The following PKHD1 variants were observed in gnomAD, a reference collection of about 807,000 sequenced individuals.
PKHD1 encodes the protein PKHD1 ciliary IPT domain containing fibrocystin/polyductin, also known as fibrocystin.
A neutral mutation model predicts 412.0 loss-of-function variants in PKHD1; 291 were observed. The observed-to-expected ratio is 0.71, with a 90% CI of 0.64 to 0.78. PKHD1 has a LOEUF of 0.78. Ranked by LOEUF, PKHD1 falls within the 30% of genes least tolerant of loss-of-function variation. The pLI is 0.00. For synonymous variants in PKHD1, 1,777 were observed against 1,821.5 expected (o/e 0.98, Z 0.62); for missense variants, 4,825 against 4,950.7 (o/e 0.97, Z 0.76).
In PKHD1 at chr6:51,833,793, G is replaced by T. The variant is rs941664799; in HGVS notation, c.8173+2611C>A. 3.3e-5 allele frequency among the ~76,000 whole-genome samples: 5 copies of T among 152,168 alleles called. 1 individual carries two copies. The highest frequency in any genetic ancestry group is 2.0e-4 in the Admixed American group (3 of 15,276). ...TGGAGGTAAGGAAGGAAAGATGTTG[G>T]GTCAGACCATCCAAAAAGCTCACTG... On this transcript the variant is annotated intron_variant, in intron 51 of 66. Coordinates refer to ENST00000371117, the MANE Select transcript of PKHD1 (RefSeq NM_138694.4).
rs74662217 is a variant in PKHD1 at position 51,860,357 on chromosome 6, G to A, written c.7734-4287C>T. ...CAAATGCCAGAATTGACCATGGAGGGGTCTTCTGAAAAGCACCAAAAGAAC... is the reference window on the plus strand; with the variant it reads ...CAAATGCCAGAATTGACCATGGAGGAGTCTTCTGAAAAGCACCAAAAGAAC... On this transcript the variant is annotated intron_variant, in intron 48 of 66. Transcript: ENST00000371117. Among the ~76,000 whole-genome samples the A allele has an allele frequency of 3.4e-3, 516 of 152,154 alleles. 1 individual carries two copies. The highest frequency in any genetic ancestry group is 0.012 in the African/African-American group (482 of 41,512).
chr6:51,668,372 T>C (rs902875485), intron 60 of PKHD1, among the ~76,000 whole-genome samples: 1 of 152,244 alleles, frequency 6.6e-6, no homozygotes, highest in Non-Finnish European at 1.5e-5. Context: ...ATAAGAATGC[T>C]TGTGATTTTT....
At chr6:51,843,335 G>A (rs1000969221) in intron 50 of PKHD1, among the ~76,000 whole-genome samples, 1 of 152,264 alleles carries the variant, frequency 6.6e-6, no homozygotes, top group African/African-American at 2.4e-5. Flanking sequence ...CAAGAGAGCT[G>A]AGACTCGATG....
intron 11 of PKHD1, among the ~76,000 whole-genome samples, chr6:52,068,981 T>C (rs1345121447): frequency 6.6e-6 from 1 of 152,168 alleles, no homozygotes; most frequent in Admixed American, 6.5e-5. Context: ...TACTACCAAA[T>C]CGAGTTCACA....
chr6:51,829,028 T>G (rs1047880626), intron 52 of PKHD1, among the ~76,000 whole-genome samples: 1 of 152,194 alleles, frequency 6.6e-6, no homozygotes, highest in African/African-American at 2.4e-5. Context: ...CTCACCTGTC[T>G]TTTCATGTGA....
intron 43 of PKHD1, among the ~76,000 whole-genome samples, chr6:51,902,396 G>C (rs867542193): frequency 6.6e-6 from 1 of 152,084 alleles, no homozygotes; most frequent in African/African-American, 2.4e-5. Context: ...CTGGGATCTG[G>C]GTTCCTACAG....
intron 60 of PKHD1, among the ~76,000 whole-genome samples, chr6:51,706,181 T>C (rs1779996553): frequency 6.6e-6 from 1 of 152,108 alleles, no homozygotes; most frequent in South Asian, 2.1e-4. Context: ...TTGAAACAGC[T>C]CATTGATACC....
At chr6:51,967,241 T>C (rs1331291600) in intron 35 of PKHD1, among the ~76,000 whole-genome samples, 2 of 152,244 alleles carry the variant, frequency 1.3e-5, no homozygotes, top group South Asian at 2.1e-4. Flanking sequence ...GGCATGACAA[T>C]TCATTTACAT....
intron 7 of PKHD1, among the ~76,000 whole-genome samples, chr6:52,072,922 G>A (rs887458127): frequency 6.6e-6 from 1 of 152,164 alleles, no homozygotes; most frequent in African/African-American, 2.4e-5. Context: ...TCTCTCTCCA[G>A]TGTGGATGAT....
rs749579192 is a variant in PKHD1 at position 51,619,424 on chromosome 6, C to G, written c.11882G>C (p.Arg3961Pro). Residue 3961 changes from arginine to proline, a missense_variant, in exon 67 of 67, where the codon CGA becomes CCA. Physicochemically the swap from Arg to Pro is moderately radical, Grantham distance 103. Transcript: ENST00000371117. ...SRRKVSRHIV[R>P]EEEAAVPAPG... Reference sequence around the variant, plus strand: ...AGCAGGCACAGCAGCCTCTTCCTCTCGGACAATGTGGCGGCTAACTTTCCT... The same window carrying G: ...AGCAGGCACAGCAGCCTCTTCCTCTGGGACAATGTGGCGGCTAACTTTCCT... 1.6e-5 allele frequency: 26 copies of G among 1,613,728 alleles called. No individual in the cohort carries two copies. Among genetic ancestry groups the G allele is most frequent in the Non-Finnish European group, 2.2e-5 (26 of 1,179,668 alleles).
intron 40 of PKHD1, among the ~76,000 whole-genome samples, chr6:51,908,226 G>T (rs1342672315): frequency 6.6e-6 from 1 of 152,066 alleles, no homozygotes; most frequent in Non-Finnish European, 1.5e-5. Context: ...AGAAATAGAC[G>T]TCCTTAGCAT....
At chr6:51,927,822 GA>G (rs1407404477) in intron 37 of PKHD1, among the ~76,000 whole-genome samples, 1 of 152,136 alleles carries the variant, frequency 6.6e-6, no homozygotes, top group Non-Finnish European at 1.5e-5. Context: ...TTGTAGGGAA[GA>G]TAGCTTGGCT....
At chr6:51,673,871 C>A (rs1249875054) in intron 60 of PKHD1, among the ~76,000 whole-genome samples, 1 of 152,078 alleles carries the variant, frequency 6.6e-6, no homozygotes, top group Non-Finnish European at 1.5e-5. Flanking sequence ...AAAGAAGGTT[C>A]TTTGAATATA....
intron 5 of PKHD1, among the ~76,000 whole-genome samples, chr6:52,079,345 G>A (rs1811729631): frequency 6.6e-6 from 1 of 152,180 alleles, no homozygotes; most frequent in South Asian, 2.1e-4. Context: ...TTTTGGTTCA[G>A]TGTTGGAAAG....
Position 51,885,812 on chromosome 6 carries a change from T to G in PKHD1, c.7215+55A>C. ...TAATGAATTGCTGTGAGAAAACAAGTGACAGTTTTAATTTTAAAAACAACA... is the reference window on the plus strand; with the variant it reads ...TAATGAATTGCTGTGAGAAAACAAGGGACAGTTTTAATTTTAAAAACAACA... On this transcript the variant is annotated intron_variant, in intron 45 of 66. Transcript: ENST00000371117. The G allele has an allele frequency of 2.7e-6, 3 of 1,124,958 alleles. No homozygotes were observed. In the South Asian group the frequency reaches 3.9e-5, roughly 15 times the overall value. 69.7% of individuals were successfully genotyped at this position (1,124,958 alleles called of 1,614,324 possible). A position where few individuals can be genotyped will look rare whatever the true frequency, so the allele number is the denominator to read the frequency against.
intron 34 of PKHD1, among the ~76,000 whole-genome samples, chr6:52,014,620 GGATAAAT>G (rs1301077677): frequency 3.3e-5 from 5 of 151,136 alleles, no homozygotes; most frequent in Non-Finnish European, 7.4e-5. Context: ...TGAATACACT[GGATAAAT>G]GGATGGATCA....
intron 65 of PKHD1, among the ~76,000 whole-genome samples, chr6:51,628,135 G>T (rs1224258919): frequency 6.6e-6 from 1 of 152,034 alleles, no homozygotes; most frequent in East Asian, 1.9e-4. Flanking sequence ...CAGGTAAATT[G>T]CATGTCACTG....
intron 55 of PKHD1, among the ~76,000 whole-genome samples, chr6:51,758,445 A>C (rs761240298): frequency 6.6e-6 from 1 of 152,122 alleles, no homozygotes; most frequent in Non-Finnish European, 1.5e-5. Flanking sequence ...GTCTTCAAAC[A>C]TTATGGTTAC....
rs1016148160 is a variant in PKHD1 at position 51,671,912 on chromosome 6, T to A, written c.10157-11943A>T. ...AGGAGGTAGTCTGCCCGTTCTCAGA[T>A]CTCCAGCTGCATGCTGGGAGAACCA... On this transcript the variant is annotated intron_variant, in intron 60 of 66. Coordinates refer to ENST00000371117, the MANE Select transcript of PKHD1 (RefSeq NM_138694.4). Among the ~76,000 whole-genome samples the A allele has an allele frequency of 2.0e-5, 3 of 152,140 alleles. No individual in the cohort carries two copies. In the South Asian group the frequency reaches 6.2e-4, roughly 32 times the overall value.
Sources: allele counts gnomAD v4.1 joint callset (sites outside exome capture counted in the v4.1 genomes callset), GRCh38; gene constraint gnomAD v4.1.1; transcripts MANE v1.5; gene names NCBI Gene and HGNC (gene_info 2026-07-23, HGNC 2026-07-21).